Variants in SEC16B observed in about 807,000 individuals in gnomAD.
SEC16B encodes protein transport protein Sec16B.
A neutral mutation model predicts 141.8 loss-of-function variants in SEC16B; 115 were observed. The ratio of observed to expected loss-of-function variants is 0.81; its 90% CI spans 0.70 to 0.95. SEC16B has a LOEUF of 0.95. SEC16B is among the 40% of genes least tolerant of loss of function. The probability of loss-of-function intolerance (pLI) is 0.00; values close to 1 mark genes in which losing one functional copy is unlikely to be tolerated. For synonymous variants in SEC16B, 493 were observed against 492.5 expected (o/e 1.00, Z -0.01); for missense variants, 1,291 against 1,312.3 (o/e 0.98, Z 0.25).
At chr1:177,964,673 C>T (rs1263219037) in intron 4 of SEC16B, among the ~76,000 whole-genome samples, 4 of 152,300 alleles carry the variant, frequency 2.6e-5, no homozygotes, top group African/African-American at 9.6e-5. Flanking sequence ...AGGGCTCAGG[C>T]GTAGGCTGAG....
intron 16 of SEC16B, 105 bp downstream of exon 16, chr1:177,941,795 T>C (rs1651293350): frequency 9.7e-6 from 13 of 1,335,190 alleles, no homozygotes; most frequent in African/African-American, 2.9e-5. Flanking sequence ...TCCAATTTTA[T>C]GGCATGTTCA....
chr1:177,967,360 A>G (rs998564198), intron 2 of SEC16B, among the ~76,000 whole-genome samples: 2 of 152,134 alleles, frequency 1.3e-5, no homozygotes, highest in African/African-American at 4.8e-5. Context: ...TTGCAATCCC[A>G]GAGCAAGAGG....
At chr1:177,966,635 G>A (rs1653541915) in intron 2 of SEC16B, among the ~76,000 whole-genome samples, 1 of 151,912 alleles carries the variant, frequency 6.6e-6, no homozygotes, top group Non-Finnish European at 1.5e-5. Context: ...GCGTGATCTT[G>A]GCTCACTGCA....
intron 18 of SEC16B, among the ~76,000 whole-genome samples, chr1:177,939,338 G>A (rs1290100531): frequency 1.3e-5 from 2 of 152,194 alleles, no homozygotes; most frequent in African/African-American, 2.4e-5. Context: ...GACATCCCCA[G>A]CACTCACATA....
chr1:177,965,879 A>G lies in SEC16B; in HGVS notation c.412+14T>C. On this transcript the variant is annotated intron_variant, in intron 3 of 25. Transcript: ENST00000308284. ...TCCCCAAATCCCAGAGGCTTCTTGGAGACTTTTCCATACCTCTTTCTTCCT... is the reference window on the plus strand; with the variant it reads ...TCCCCAAATCCCAGAGGCTTCTTGGGGACTTTTCCATACCTCTTTCTTCCT... 2 of 1,520,248 alleles carry G rather than the reference A, an allele frequency of 1.3e-6. No homozygotes were observed. The allele number at this position is 1,520,248 out of a possible 1,614,324, so 94.2% of individuals were successfully genotyped here.
At chr1:177,970,763 A>G (rs937707953), upstream of SEC16B, among the ~76,000 whole-genome samples, 1 of 152,244 alleles carries the variant, frequency 6.6e-6, no homozygotes, top group African/African-American at 2.4e-5. Flanking sequence ...AGGTAAACGC[A>G]GAAAAGCACA....
chr1:177,933,416 T>C (rs1351499972), intron 21 of SEC16B, 68 bp downstream of exon 21: 2 of 1,579,258 alleles, frequency 1.3e-6, no homozygotes, highest in South Asian at 2.3e-5. Flanking sequence ...CTTCCAAGTC[T>C]GCACCACCCT....
chr1:177,971,714 G>C (rs1571357786), upstream of SEC16B, among the ~76,000 whole-genome samples: 1 of 152,164 alleles, frequency 6.6e-6, no homozygotes, highest in East Asian at 1.9e-4. Context: ...ATAAAACCAA[G>C]ATCCAAACAA....
At chr1:177,953,003 AT>A (rs59988344) in intron 11 of SEC16B, among the ~76,000 whole-genome samples, 35,728 of 127,676 alleles carry the variant, frequency 0.28, 4,214 homozygotes, top group African/African-American at 0.32. Flanking sequence ...TGGAAGTGTC[AT>A]TTTTTTTTTT....
At position 177,933,574 on chromosome 1, in the gene SEC16B, A is replaced by G. The variant is rs770317188; in HGVS notation, c.2634T>C (p.Asp878=). The G allele has an allele frequency of 1.2e-6, 2 of 1,613,952 alleles. No homozygotes were observed. The highest frequency in any genetic ancestry group is 2.2e-5 in the South Asian group (2 of 91,078). The change falls in exon 21 of 26, where the codon GAT becomes GAC. Residue 878 remains aspartate, a synonymous_variant. Coordinates refer to ENST00000308284, the MANE Select transcript of SEC16B (RefSeq NM_033127.4). The part of the protein sequence containing the change: ...SESSASSAKE[D]EKESSDEADK... The stretch of plus-strand genomic sequence containing the variant: ...CAGCCTCATCAGAGGACTCCTTCTC[A>G]TCCTCCTTGGCTGAACTGGCGGAAC...
chr1:177,981,545 C>G (rs1456060548), intron 1 of SEC16B, among the ~76,000 whole-genome samples: 1 of 152,130 alleles, frequency 6.6e-6, no homozygotes, highest in African/African-American at 2.4e-5. Flanking sequence ...TATTATGTGC[C>G]TCATGTTGTA....
intron 8 of SEC16B, chr1:177,959,970 T>C (rs2101978801): frequency 3.9e-6 from 1 of 257,176 alleles, no homozygotes; most frequent in Middle Eastern, 1.3e-3. Flanking sequence ...AAAAAGCCAC[T>C]GTTACAAGAA....
At chr1:177,931,187 CTAA>C (rs906705468) in intron 24 of SEC16B, among the ~76,000 whole-genome samples, 1 of 152,166 alleles carries the variant, frequency 6.6e-6, no homozygotes. Flanking sequence ...TGCCCATCGA[CTAA>C]TGAGTACATA....
intron 5 of SEC16B, among the ~76,000 whole-genome samples, chr1:177,962,308 G>C (rs1309372892): frequency 3.9e-5 from 6 of 151,902 alleles, no homozygotes; most frequent in African/African-American, 1.5e-4. Flanking sequence ...TTGACATTAT[G>C]ATCTGCCCAC....
chr1:177,956,857 G>A (rs1652640057), intron 10 of SEC16B, among the ~76,000 whole-genome samples: 1 of 152,146 alleles, frequency 6.6e-6, no homozygotes. Flanking sequence ...AACAGACTCT[G>A]GCTTAGATGA....
intron 14 of SEC16B, 168 bp downstream of exon 14, chr1:177,946,252 G>A (rs558631252): frequency 2.5e-5 from 17 of 681,932 alleles, no homozygotes; most frequent in Admixed American, 6.4e-5. Context: ...TGGGGCCCAC[G>A]GGGCATCTCC....
chr1:177,937,620 A>T, intron 18 of SEC16B, 107 bp from the exon 19 acceptor site: 1 of 989,704 alleles, frequency 1.0e-6, no homozygotes, highest in Non-Finnish European at 1.5e-6. Context: ...AAGCAGTCAC[A>T]AGGACGAGCT....
At chr1:177,958,390 A>C (rs1398205444) in intron 9 of SEC16B, 28 bp from the exon 10 acceptor site, 2 of 1,518,252 alleles carry the variant, frequency 1.3e-6, no homozygotes, top group Non-Finnish European at 1.8e-6. Flanking sequence ...TCATCTGGGG[A>C]GAATCCTATG....
chr1:177,946,584 C>A (rs1651730989), intron 13 of SEC16B, 53 bp from the exon 14 acceptor site: 2 of 1,395,392 alleles, frequency 1.4e-6, no homozygotes, highest in South Asian at 2.5e-5. Flanking sequence ...GTATGGGGAG[C>A]CATCATCTGG....
Sources: allele counts gnomAD v4.1 joint callset (sites outside exome capture counted in the v4.1 genomes callset), GRCh38; gene constraint gnomAD v4.1.1; transcripts MANE v1.5; gene names NCBI Gene and HGNC (gene_info 2026-07-23, HGNC 2026-07-21).